ARPP21: variants seen among roughly 807,000 people sequenced by gnomAD.
The protein encoded by ARPP21 is cAMP regulated phosphoprotein 21.
Under a neutral mutation model 113.2 loss-of-function variants are expected in ARPP21, and 69 were observed. That is an observed-to-expected ratio of 0.61 (90% confidence interval 0.50 to 0.74). The LOEUF (loss-of-function observed/expected upper bound fraction) is 0.74. Ranked by LOEUF, ARPP21 falls within the 30% of genes least tolerant of loss-of-function variation. The probability of loss-of-function intolerance (pLI) is 0.00; values close to 1 mark genes in which losing one functional copy is unlikely to be tolerated. For synonymous variants in ARPP21, 368 were observed against 375.5 expected, an observed-to-expected ratio of 0.98 and a Z score of 0.23; for missense variants, 1,070 against 1,037.4, an observed-to-expected ratio of 1.03 and a Z score of -0.43.
chr3:35,648,245 T>G (rs1701010998), intron 1 of ARPP21, among the ~76,000 whole-genome samples: 1 of 152,184 alleles, frequency 6.6e-6, no homozygotes, highest in African/African-American at 2.4e-5. Context: ...AATGGTCTAA[T>G]TCAGTTGTCT....
In ARPP21 at chr3:35,682,874, A is replaced by C; in HGVS notation, c.156A>C (p.Glu52Asp). 1 of 1,609,884 alleles carries C rather than the reference A, an allele frequency of 6.2e-7. No individual in the cohort carries two copies. Among genetic ancestry groups the C allele is most frequent in the African/African-American group, 1.3e-5 (1 of 74,678 alleles). Reference protein sequence around the residue: ...LQRRLEAQNQERRKSKSGAGK... With the variant: ...LQRRLEAQNQDRRKSKSGAGK... ...GGCGGCTGGAGGCTCAGAATCAAGA[A>C]AGAAGAAAATCCAAGGTAGGGTTCT... The change falls in exon 4 of 21, where the codon GAA (glutamate) becomes GAC (aspartate). Residue 52 changes from glutamate (E) to aspartate (D), a missense_variant. By Grantham distance (45) the Glu-to-Asp change is conservative (BLOSUM62 2). Transcript: ENST00000684406.
intron 19 of ARPP21, among the ~76,000 whole-genome samples, chr3:35,757,235 A>C (rs966144214): frequency 2.6e-5 from 4 of 151,818 alleles, no homozygotes; most frequent in African/African-American, 7.3e-5. Flanking sequence ...ATTAAAAAAA[A>C]AAAAAATTGT....
At chr3:35,666,734 CA>C (rs2074456603) in intron 1 of ARPP21, among the ~76,000 whole-genome samples, 1 of 152,172 alleles carries the variant, frequency 6.6e-6, no homozygotes, top group Non-Finnish European at 1.5e-5. Flanking sequence ...ATTTCAACCA[CA>C]AACATGCTTT....
At chr3:35,749,517 G>A (rs2151036346) in intron 19 of ARPP21, among the ~76,000 whole-genome samples, 1 of 150,812 alleles carries the variant, frequency 6.6e-6, no homozygotes, top group African/African-American at 2.4e-5. Context: ...AAGAAGTTTG[G>A]TTTAGTGTCA....
At chr3:35,758,451 T>C (rs1419017852) in intron 19 of ARPP21, among the ~76,000 whole-genome samples, 2 of 152,096 alleles carry the variant, frequency 1.3e-5, no homozygotes, top group Non-Finnish European at 2.9e-5. Context: ...GGCTTTTGTC[T>C]TTTTAATTTC....
At chr3:35,748,125 GA>G (rs1333032862) in intron 19 of ARPP21, among the ~76,000 whole-genome samples, 1 of 116,066 alleles carries the variant, frequency 8.6e-6, no homozygotes, top group South Asian at 2.7e-4. Flanking sequence ...AAGAAAGAAA[GA>G]AAAGAAAGAA....
intron 1 of ARPP21, chr3:35,678,897 A>C (rs908220904): frequency 2.6e-5 from 4 of 151,934 alleles, no homozygotes; most frequent in Non-Finnish European, 4.4e-5. Context: ...TGTGCACCAG[A>C]ATAGCGTTAT....
At chr3:35,668,991 A>T (rs2075659805) in intron 1 of ARPP21, among the ~76,000 whole-genome samples, 1 of 152,166 alleles carries the variant, frequency 6.6e-6, no homozygotes, top group South Asian at 2.1e-4. Context: ...AGCAATAAAG[A>T]ATAAATGACC....
chr3:35,683,936 A>AT (rs777420967), intron 5 of ARPP21, 121 bp downstream of exon 5: 55 of 1,066,976 alleles, frequency 5.2e-5, no homozygotes, highest in Non-Finnish European at 7.9e-5. Context: ...AAAATAATTC[A>AT]TTTTTTGGCT....
chr3:35,790,065 C>T (rs2096717023), intron 19 of ARPP21, among the ~76,000 whole-genome samples: 3 of 152,084 alleles, frequency 2.0e-5, no homozygotes, highest in African/African-American at 7.2e-5. Flanking sequence ...CTTTCCTCTC[C>T]ATCTTTTTTG....
At position 35,640,135 on chromosome 3, in the gene ARPP21, C is replaced by A. The variant is rs905084016; in HGVS notation, c.-476C>A. ...ACACAAGCCGCGACCGAGCCGCCGC[C>A]GCAGCCCTGGCTGCCACAGCTGTGT... On this transcript the variant is annotated 5_prime_UTR_variant, in exon 1 of 21. Transcript: ENST00000684406. The A allele has an allele frequency of 6.6e-6, 1 of 152,286 alleles. No individual in the cohort carries two copies. The highest frequency in any genetic ancestry group is 1.5e-5 in the Non-Finnish European group (1 of 68,128). The allele number at this position is 152,286 out of a possible 1,614,324, so 9.4% of individuals were successfully genotyped here. A position where few individuals can be genotyped will look rare whatever the true frequency, so the allele number is the denominator to read the frequency against.
chr3:35,774,521 C>T (rs2096296268), intron 19 of ARPP21, among the ~76,000 whole-genome samples: 1 of 152,108 alleles, frequency 6.6e-6, no homozygotes, highest in Non-Finnish European at 1.5e-5. Context: ...CTTTTAAATA[C>T]TTAGAATCCT....
chr3:35,691,632 ATTGT>A (rs374836212), intron 9 of ARPP21, among the ~76,000 whole-genome samples: 3 of 151,682 alleles, frequency 2.0e-5, no homozygotes, highest in African/African-American at 7.2e-5. Flanking sequence ...CCCTAAAATA[ATTGT>A]TTGTTTTTCT....
rs923332086 is a variant in ARPP21 at position 35,687,839 on chromosome 3, A to G, written c.362A>G (p.Lys121Arg). The change falls in exon 6 of 21, where the codon AAA becomes AGA. Residue 121 changes from lysine to arginine, a missense_variant. Coordinates refer to ENST00000684406, the MANE Select transcript of ARPP21 (RefSeq NM_001385562.1). ...AGAGAAAAAGAAAAGGATAAAAACA[A>G]AGATAAAACCTCTGAAAAACCCAAG... ...SEREKEKDKNKDKTSEKPKIR... is the reference protein window; with the variant it reads ...SEREKEKDKNRDKTSEKPKIR... The G allele has an allele frequency of 1.9e-6, 3 of 1,600,880 alleles. No individual in the cohort carries two copies. The highest frequency in any genetic ancestry group is 2.6e-6 in the Non-Finnish European group (3 of 1,174,576).
At chr3:35,793,555 G>GA in intron 20 of ARPP21, 146 bp from the exon 21 acceptor site, 1 of 639,368 alleles carries the variant, frequency 1.6e-6, no homozygotes, top group East Asian at 2.7e-5. Flanking sequence ...TTCCTAATGT[G>GA]AAACAGCCGA....
At chr3:35,754,988 C>G (rs551479393) in intron 19 of ARPP21, among the ~76,000 whole-genome samples, 13 of 152,022 alleles carry the variant, frequency 8.6e-5, no homozygotes, top group African/African-American at 3.1e-4. Context: ...AGAAAGGTGG[C>G]AAGTAAAGCA....
intron 19 of ARPP21, among the ~76,000 whole-genome samples, chr3:35,749,523 T>A (rs1426738313): frequency 6.6e-6 from 1 of 151,754 alleles, no homozygotes; most frequent in Non-Finnish European, 1.5e-5. Context: ...TTTGGTTTAG[T>A]GTCAGAGTAA....
intron 5 of ARPP21, among the ~76,000 whole-genome samples, chr3:35,687,372 C>CA (rs1359460695): frequency 1.4e-5 from 2 of 142,518 alleles, no homozygotes; most frequent in East Asian, 4.1e-4. Context: ...CTACGGAGGA[C>CA]TTTTTTTTTT....
rs376125168 is a variant in ARPP21, at chr3:35,683,718, C to T, written c.172-8C>T. ...TCCTTTCCTTCCCTTTTCTTTCCCC[C>T]CTCCTAGTCAGGAGCAGGAAAAGGT... is the stretch of plus-strand genomic sequence containing the variant. On this transcript the variant is annotated splice_region_variant and splice_polypyrimidine_tract_variant and intron_variant, in intron 4 of 20. Coordinates refer to ENST00000684406, the MANE Select transcript of ARPP21 (RefSeq NM_001385562.1). The T allele has an allele frequency of 3.1e-4, 317 of 1,029,178 alleles. 1 individual carries two copies. The highest frequency in any genetic ancestry group is 4.5e-4 in the Non-Finnish European group (293 of 650,802). The allele number at this position is 1,029,178 out of a possible 1,614,324, so 63.8% of individuals were successfully genotyped here.
Sources: gnomAD v4.1 joint callset for allele counts (sites outside exome capture counted in the v4.1 genomes callset) on GRCh38, gnomAD v4.1.1 for gene constraint, MANE v1.5 for transcripts, NCBI Gene and HGNC (gene_info 2026-07-23, HGNC 2026-07-21) for gene names.